The following MTOR variants were observed in gnomAD, a reference collection of about 807,000 sequenced individuals.
MTOR encodes mechanistic target of rapamycin kinase, also known as serine/threonine-protein kinase mTOR.
MTOR carries 70 observed loss-of-function variants against 319.8 expected under a neutral mutation model. That is an observed-to-expected ratio of 0.22 (90% CI 0.18 to 0.27). The LOEUF is 0.27. MTOR is among the 10% of genes least tolerant of loss of function. MTOR has a pLI of 1.00. For missense variants in MTOR, 1,890 were observed against 3,274.4 expected, an observed-to-expected ratio of 0.58 and a Z score of 10.32; for synonymous variants, 1,183 against 1,211.4, an observed-to-expected ratio of 0.98 and a Z score of 0.49.
At chr1:11,130,388 G>T in intron 39 of MTOR, 141 bp downstream of exon 39, 1 of 1,326,520 alleles carries the variant, frequency 7.5e-7, no homozygotes, top group Non-Finnish European at 1.0e-6. Context: ...GGCAGTGCTG[G>T]ATGGTAGATA....
At position 11,237,825 on chromosome 1, in the gene MTOR, G is replaced by C; in HGVS notation, c.2208+18C>G. ...TCCTGTCTTCCCTGCCTGTGGGTCT[G>C]GCCATCACCTCGGTTACCTGGATGA... On this transcript the variant is annotated intron_variant, in intron 13 of 57. Transcript: ENST00000361445. The C allele has an allele frequency of 1.2e-6, 2 of 1,613,490 alleles. No homozygotes were observed. The highest frequency in any genetic ancestry group is 4.5e-5 in the East Asian group (2 of 44,878).
At position 11,249,784 on chromosome 1, in the gene MTOR, A is replaced by G. The variant is rs538401408; in HGVS notation, c.841-1690T>C. Among the ~76,000 whole-genome samples, 1,221 of 147,538 alleles carry G rather than the reference A, an allele frequency of 8.3e-3. 11 individuals are homozygous for G. The highest frequency in any genetic ancestry group is 0.015 in the Non-Finnish European group (980 of 66,730). ...CCAAGGCAGAAGAATTTTTCTTAGTACAGAACAAAATGAAAAGTCTCCCAT... is the reference window on the plus strand; with the variant it reads ...CCAAGGCAGAAGAATTTTTCTTAGTGCAGAACAAAATGAAAAGTCTCCCAT... On this transcript the variant is annotated intron_variant, in intron 6 of 57. Transcript: ENST00000361445.
In MTOR at chr1:11,209,376, G is replaced by A. The variant is rs747210595; in HGVS notation, c.3737C>T (p.Ala1246Val). Residue 1246 changes from alanine to valine, a missense_variant, in exon 25 of 58, where the codon GCT becomes GTT. Around this residue, in one of 15 missense-constraint regions of MTOR, gnomAD observed 115 missense variants for 105.7 expected, o/e 1.09. Coordinates refer to ENST00000361445, the MANE Select transcript of MTOR (RefSeq NM_004958.4). ...MLRSGQGDALASGPVETGPMK... is the reference protein window; with the variant it reads ...MLRSGQGDALVSGPVETGPMK... ...GGGTCCTGTTTCCACTGGTCCACTA[G>A]CCAATGCATCCCCTTGGCCACTCCT... 4 of 1,614,186 alleles carry A rather than the reference G, an allele frequency of 2.5e-6. No homozygotes were observed. Among genetic ancestry groups the A allele is most frequent in the East Asian group, 2.2e-5 (1 of 44,880 alleles).
At chr1:11,170,840 C>A (rs1439058670) in intron 28 of MTOR, among the ~76,000 whole-genome samples, 1 of 151,366 alleles carries the variant, frequency 6.6e-6, no homozygotes, top group Non-Finnish European at 1.5e-5. Flanking sequence ...GCGCACACCA[C>A]CACACCACAC....
intron 54 of MTOR, among the ~76,000 whole-genome samples, chr1:11,111,300 G>A (rs1641855704): frequency 6.6e-6 from 1 of 151,978 alleles, no homozygotes; most frequent in South Asian, 2.1e-4. Flanking sequence ...CCAACGTGGT[G>A]AAACCCTATC....
Position 11,128,718 on chromosome 1 carries a change from C to A in MTOR, c.5811+137G>T. 2.0e-6 allele frequency: 2 copies of A among 1,004,128 alleles called. No homozygotes were observed. Among genetic ancestry groups the A allele is most frequent in the Admixed American group, 2.2e-5 (1 of 45,156 alleles). 62.2% of individuals were successfully genotyped at this position (1,004,128 alleles called of 1,614,324 possible). A position where few individuals can be genotyped will look rare whatever the true frequency, so the allele number is the denominator to read the frequency against. On this transcript the variant is annotated intron_variant, in intron 41 of 57. Coordinates refer to ENST00000361445, the MANE Select transcript of MTOR (RefSeq NM_004958.4). The surrounding 1 kb of genome is among the most constrained non-coding windows in gnomAD (Gnocchi z 5.3). ...AAATAAAGAAAATATGGACACTTGACACTGGGACCGAGCCCTACTTCCTTA... is the reference window on the plus strand; with the variant it reads ...AAATAAAGAAAATATGGACACTTGAAACTGGGACCGAGCCCTACTTCCTTA...
Position 11,114,806 on chromosome 1 carries a change from C to G in MTOR, c.7164+7G>C. On this transcript the variant is annotated splice_region_variant and intron_variant, in intron 52 of 57. Transcript: ENST00000361445. ...TTGGAAGCAGCTCGTTCCCGATATCCACTCACCTCCATAGCATTGGTCAAC... is the reference window on the plus strand; with the variant it reads ...TTGGAAGCAGCTCGTTCCCGATATCGACTCACCTCCATAGCATTGGTCAAC... 1 of 1,613,786 alleles carries G rather than the reference C, an allele frequency of 6.2e-7. No homozygotes were observed. The highest frequency in any genetic ancestry group is 8.5e-7 in the Non-Finnish European group (1 of 1,179,708).
intron 6 of MTOR, 151 bp downstream of exon 6, chr1:11,253,688 G>T: frequency 1.1e-6 from 1 of 906,458 alleles, no homozygotes. Context: ...TTTCTTCATA[G>T]AACTTGCTGC....
intron 24 of MTOR, among the ~76,000 whole-genome samples, chr1:11,210,567 CATAA>C (rs1407071124): frequency 1.3e-5 from 2 of 152,122 alleles, no homozygotes; most frequent in African/African-American, 4.8e-5. Context: ...TTTAGGTGTC[CATAA>C]ATAAAGTTTT....
At chr1:11,172,368 T>C (rs1251425205) in intron 28 of MTOR, among the ~76,000 whole-genome samples, 305 of 126,976 alleles carry the variant, frequency 2.4e-3, no homozygotes, top group East Asian at 0.012. Context: ...CCATCCTGGC[T>C]AACATGGTGA....
At chr1:11,183,172 T>G (rs1645212630) in intron 28 of MTOR, among the ~76,000 whole-genome samples, 1 of 152,254 alleles carries the variant, frequency 6.6e-6, no homozygotes, top group African/African-American at 2.4e-5. Context: ...TGGTGTGCAG[T>G]GGCATTTTAT....
chr1:11,248,119 T>C (rs1053554653), intron 6 of MTOR, 25 bp from the exon 7 acceptor site: 25 of 1,552,106 alleles, frequency 1.6e-5, no homozygotes, highest in Non-Finnish European at 2.1e-5. Context: ...AGGAAAAAAA[T>C]CATCTTTACT....
In MTOR at chr1:11,212,122, C is replaced by G. The variant is rs780841292; in HGVS notation, c.3561+190G>C. Among the ~76,000 whole-genome samples the G allele has an allele frequency of 6.6e-6, 1 of 152,080 alleles. No homozygotes were observed. The highest frequency in any genetic ancestry group is 1.5e-5 in the Non-Finnish European group (1 of 68,010). The stretch of plus-strand genomic sequence containing the variant: ...GACTTTATTCTGTTTACCGTGTTAC[C>G]CCCAGAACGGCACTTAGCTCACATA... On this transcript the variant is annotated intron_variant, in intron 23 of 57. Coordinates refer to ENST00000361445, the MANE Select transcript of MTOR (RefSeq NM_004958.4). This position sits in a 1 kb window ranked among gnomAD's most constrained non-coding sequence, Gnocchi z 4.1.
At chr1:11,181,153 C>A (rs996538022) in intron 28 of MTOR, among the ~76,000 whole-genome samples, 1 of 152,052 alleles carries the variant, frequency 6.6e-6, no homozygotes, top group Non-Finnish European at 1.5e-5. Flanking sequence ...CCCCTAGGGC[C>A]AGTGCAGGTT....
At chr1:11,157,027 T>C in intron 30 of MTOR, 125 bp downstream of exon 30, 1 of 1,215,540 alleles carries the variant, frequency 8.2e-7, no homozygotes, top group African/African-American at 1.5e-5. Flanking sequence ...TCCTGAGAAG[T>C]ATCAAGTGGA....
chr1:11,221,262 T>C (rs1355834828), intron 19 of MTOR, among the ~76,000 whole-genome samples: 1 of 152,134 alleles, frequency 6.6e-6, no homozygotes, highest in African/African-American at 2.4e-5. Flanking sequence ...CCCAAAGTGT[T>C]GGGGTTACAG....
At chr1:11,248,244 C>T (rs774309335) in intron 6 of MTOR, 150 bp from the exon 7 acceptor site, 50 of 823,992 alleles carry the variant, frequency 6.1e-5, no homozygotes, top group Middle Eastern at 6.8e-4. Context: ...TTTAGGGTTA[C>T]AATTTCCCCA....
Position 11,109,322 on chromosome 1 carries a change from T to C in MTOR, c.7496A>G (p.Gln2499Arg), listed in dbSNP as rs143119651. 9.4e-5 allele frequency: 151 copies of C among 1,614,052 alleles called. No individual in the cohort carries two copies. The highest frequency in any genetic ancestry group is 1.2e-4 in the Non-Finnish European group (141 of 1,180,034). Reference sequence around the variant, plus strand: ...CTTATCTCGAACCCTGTTAATAATCTGGATAGCTTTCTTATTTAGGGCCTC... The same window carrying C: ...CTTATCTCGAACCCTGTTAATAATCCGGATAGCTTTCTTATTTAGGGCCTC... ...KPEALNKKAI[Q>R]IINRVRDKLT... Residue 2499 changes from glutamine to arginine, a missense_variant, in exon 56 of 58, where the codon CAG becomes CGG. By Grantham distance (43) the Gln-to-Arg change is conservative. Coordinates refer to ENST00000361445, the MANE Select transcript of MTOR (RefSeq NM_004958.4). The surrounding 1 kb of genome is among the most constrained non-coding windows in gnomAD (Gnocchi z 4.0).
intron 28 of MTOR, among the ~76,000 whole-genome samples, chr1:11,172,336 T>C (rs1349104621): frequency 6.6e-6 from 1 of 151,032 alleles, no homozygotes; most frequent in African/African-American, 2.4e-5. Flanking sequence ...GGTGGGCAGA[T>C]CACGAGGTCA....
Sources: allele counts gnomAD v4.1 joint callset (sites outside exome capture counted in the v4.1 genomes callset), GRCh38; gene constraint gnomAD v4.1.1; regional missense constraint gnomAD v4.1.1; non-coding constraint Gnocchi (gnomAD v3.1); transcripts MANE v1.5; gene names NCBI Gene and HGNC (gene_info 2026-07-23, HGNC 2026-07-21).